BEAN1: variants seen among roughly 807,000 people sequenced by gnomAD.
The protein encoded by BEAN1 is protein BEAN1.
Under a neutral mutation model 17.7 loss-of-function variants are expected in BEAN1, and 17 were observed. That is an observed-to-expected ratio of 0.96 (90% CI 0.66 to 1.44). BEAN1 has a LOEUF of 1.44. BEAN1 is among the 40% of genes most tolerant of loss of function. The pLI, the probability that BEAN1 is intolerant of heterozygous loss-of-function variation, is 0.00. For missense variants in BEAN1, 359 were observed against 374.1 expected, an observed-to-expected ratio of 0.96 and a Z score of 0.33; for synonymous variants, 142 against 151.8, an observed-to-expected ratio of 0.94 and a Z score of 0.47.
chr16:66,489,530 C>G (rs550852283), intron 4 of BEAN1, among the ~76,000 whole-genome samples: 19 of 152,266 alleles, frequency 1.2e-4, no homozygotes, highest in African/African-American at 4.1e-4. Flanking sequence ...TTCTGATGTT[C>G]AGGATCAGAT....
exon 5 of BEAN1, chr16:66,493,117 C>T (rs1166705526): frequency 1.4e-6 from 1 of 702,970 alleles, no homozygotes; most frequent in Admixed American, 2.0e-5. Context: ...AGATGGTGTT[C>T]AAGATCTTCC....
At chr16:66,480,401 A>G (rs1217401679) in intron 4 of BEAN1, among the ~76,000 whole-genome samples, 185 bp from the exon 5 acceptor site, 2 of 152,150 alleles carry the variant, frequency 1.3e-5, no homozygotes, top group African/African-American at 2.4e-5. Flanking sequence ...TCCAGGTCCC[A>G]GGGTTCTGAG....
chr16:66,448,260 C>T (rs4783592), intron 2 of BEAN1, among the ~76,000 whole-genome samples: 20,814 of 152,012 alleles, frequency 0.14, 1,853 homozygotes, highest in South Asian at 0.3. Context: ...AATACCAGCT[C>T]ACAAGAGCCA....
rs1962096949 is a variant in BEAN1 at position 66,437,970 on chromosome 16, T to C, written c.25+269T>C. On this transcript the variant is annotated intron_variant, in intron 2 of 4. Coordinates refer to ENST00000536005, the MANE Select transcript of BEAN1 (RefSeq NM_001178020.3). ...GGATCGGAGTTCCTCTGAGGGATGTTAATGGGATGACACACACCCACACAC... is the reference window on the plus strand; with the variant it reads ...GGATCGGAGTTCCTCTGAGGGATGTCAATGGGATGACACACACCCACACAC... 3 of 575,772 alleles carry C rather than the reference T, an allele frequency of 5.2e-6. No individual in the cohort carries two copies. The South Asian group carries it at 6.1e-5, about 12-fold the overall frequency. 35.7% of individuals were successfully genotyped at this position (575,772 alleles called of 1,614,324 possible).
chr16:66,472,785 C>G (rs1388047815), intron 3 of BEAN1, among the ~76,000 whole-genome samples: 1 of 151,870 alleles, frequency 6.6e-6, no homozygotes, highest in African/African-American at 2.4e-5. Flanking sequence ...TTTGGGAGGC[C>G]AAGGTGGGAG....
chr16:66,456,007 G>A (rs781501038), intron 2 of BEAN1, among the ~76,000 whole-genome samples: 9 of 152,200 alleles, frequency 5.9e-5, no homozygotes, highest in Non-Finnish European at 1.2e-4. Context: ...TACTTCTTAA[G>A]CTAGTCCCCT....
intron 4 of BEAN1, among the ~76,000 whole-genome samples, chr16:66,489,434 G>C (rs1964135205): frequency 6.6e-6 from 1 of 152,170 alleles, no homozygotes; most frequent in South Asian, 2.1e-4. Context: ...ACATGAATCT[G>C]CCCTGGGCCT....
intron 2 of BEAN1, among the ~76,000 whole-genome samples, chr16:66,449,029 A>G (rs1962567229): frequency 6.6e-6 from 1 of 151,652 alleles, no homozygotes; most frequent in African/African-American, 2.4e-5. Flanking sequence ...GAAGATAAAC[A>G]CATCCTTACT....
chr16:66,472,865 T>G (rs566593159), intron 3 of BEAN1, among the ~76,000 whole-genome samples: 1 of 151,338 alleles, frequency 6.6e-6, no homozygotes, highest in Non-Finnish European at 1.5e-5. Flanking sequence ...ACAAAAAAAA[T>G]GTAAAAATTA....
rs1963931769 is a variant in BEAN1 at position 66,480,193 on chromosome 16, G to T, written c.441-393G>T. ...GGGGACTCTTTCCTAAACTGAGAAG[G>T]GGAACTTTGGAGTGGCTGGAGACCA... is the stretch of plus-strand genomic sequence containing the variant. On this transcript the variant is annotated intron_variant, in intron 4 of 4. Transcript: ENST00000536005. Among the ~76,000 whole-genome samples, 3 of 152,222 alleles carry T rather than the reference G, an allele frequency of 2.0e-5. No individual in the cohort carries two copies. In the South Asian group the frequency reaches 6.2e-4, roughly 32 times the overall value.
intron 3 of BEAN1, among the ~76,000 whole-genome samples, chr16:66,472,727 A>G (rs1963530294): frequency 6.6e-6 from 1 of 151,518 alleles, no homozygotes; most frequent in Non-Finnish European, 1.5e-5. Flanking sequence ...TAAATAAAGA[A>G]TAGGAAACTG....
chr16:66,432,566 C>T (rs534101477), intron 1 of BEAN1, among the ~76,000 whole-genome samples: 37 of 152,372 alleles, frequency 2.4e-4, no homozygotes, highest in African/African-American at 8.9e-4. Flanking sequence ...CTTCACTCAG[C>T]AGTCACGGGG....
chr16:66,427,661 G>C lies in BEAN1; in HGVS notation c.-83+230G>C, dbSNP rs1490232061. ...ACCCTCGACCCCGGGCTGGCCACTG[G>C]GATCTGCGCGAGCCGAGGCTGACCC... On this transcript the variant is annotated intron_variant, in intron 1 of 4. Transcript: ENST00000536005. The surrounding 1 kb of genome is among the most constrained non-coding windows in gnomAD (Gnocchi z 4.7). 2 of 152,152 alleles carry C rather than the reference G, an allele frequency of 1.3e-5. No homozygotes were observed. The highest frequency in any genetic ancestry group is 4.8e-5 in the African/African-American group (2 of 41,440). 9.4% of individuals were successfully genotyped at this position (152,152 alleles called of 1,614,324 possible). A position where few individuals can be genotyped will look rare whatever the true frequency, so the allele number is the denominator to read the frequency against.
chr16:66,457,210 G>A (rs1289880622), intron 2 of BEAN1, among the ~76,000 whole-genome samples: 1 of 152,188 alleles, frequency 6.6e-6, no homozygotes, highest in African/African-American at 2.4e-5. Context: ...GGGATGGGTG[G>A]ATGGATGGAT....
At chr16:66,488,518 CAAAA>C (rs35976761) in intron 4 of BEAN1, among the ~76,000 whole-genome samples, 4 of 49,240 alleles carry the variant, frequency 8.1e-5, no homozygotes, top group African/African-American at 2.2e-4. Context: ...TTATCACTAC[CAAAA>C]AAAAAAAAAA....
At chr16:66,470,170 C>T (rs967975449) in intron 3 of BEAN1, 1 of 344,694 alleles carries the variant, frequency 2.9e-6, no homozygotes, top group Non-Finnish European at 5.2e-6. Context: ...TCTGGTGTCT[C>T]GATGGATGGA....
downstream of BEAN1, among the ~76,000 whole-genome samples, chr16:66,486,439 G>A (rs1271203319): frequency 1.3e-5 from 2 of 152,174 alleles, no homozygotes; most frequent in Non-Finnish European, 2.9e-5. Flanking sequence ...ATTTTTAGTA[G>A]AGACGGGGTC....
chr16:66,463,664 C>T (rs988121463), intron 2 of BEAN1, among the ~76,000 whole-genome samples: 1 of 152,140 alleles, frequency 6.6e-6, no homozygotes, highest in Non-Finnish European at 1.5e-5. Flanking sequence ...TTTTCTTTTG[C>T]TTCTTGTGCT....
chr16:66,467,854 G>A (rs970783020), intron 2 of BEAN1, among the ~76,000 whole-genome samples: 5 of 152,236 alleles, frequency 3.3e-5, no homozygotes, highest in African/African-American at 1.2e-4. Flanking sequence ...AGGCTAGTAG[G>A]CTGCAAGAGC....
Sources: allele counts gnomAD v4.1 joint callset (sites outside exome capture counted in the v4.1 genomes callset), GRCh38; gene constraint gnomAD v4.1.1; non-coding constraint Gnocchi (gnomAD v3.1); transcripts MANE v1.5; gene names NCBI Gene and HGNC (gene_info 2026-07-23, HGNC 2026-07-21).